Variants in ATP8A2 observed in about 807,000 individuals in gnomAD.
ATP8A2 encodes the protein phospholipid-transporting ATPase IB.
ATP8A2 carries 100 observed loss-of-function variants against 165.6 expected under a neutral mutation model. The observed-to-expected ratio is 0.60, with a 90% CI of 0.51 to 0.71. The LOEUF is 0.71. Ranked by LOEUF, ATP8A2 falls within the 30% of genes least tolerant of loss-of-function variation. The pLI, the probability that ATP8A2 is intolerant of heterozygous loss-of-function variation, is 0.00. For missense variants in ATP8A2, 1,227 were observed against 1,479.5 expected, an observed-to-expected ratio of 0.83 and a Z score of 2.80; for synonymous variants, 543 against 548.8, an observed-to-expected ratio of 0.99 and a Z score of 0.15.
chr13:25,840,766 A>C (rs1951731975), intron 30 of ATP8A2, among the ~76,000 whole-genome samples: 1 of 152,208 alleles, frequency 6.6e-6, no homozygotes, highest in Non-Finnish European at 1.5e-5. Flanking sequence ...AGGCTGTGAT[A>C]TTTTGGTGAC....
chr13:25,867,070 G>A (rs1030122229), intron 33 of ATP8A2, among the ~76,000 whole-genome samples: 17 of 151,500 alleles, frequency 1.1e-4, no homozygotes, highest in Non-Finnish European at 1.8e-4. Flanking sequence ...TGACTTCAAA[G>A]CATACAATCT....
At chr13:25,744,345 G>T (rs906157518) in intron 25 of ATP8A2, among the ~76,000 whole-genome samples, 1 of 150,830 alleles carries the variant, frequency 6.6e-6, no homozygotes, top group Admixed American at 6.6e-5. Context: ...GTGTATGTGC[G>T]CCCTTCTCTG....
chr13:26,021,161 A>ATT lies in ATP8A2; in HGVS notation c.*1177_*1178dup, dbSNP rs1463221767. The ATT allele has an allele frequency of 6.6e-6, 1 of 152,284 alleles. No homozygotes were observed. Among genetic ancestry groups the ATT allele is most frequent in the Admixed American group, 6.5e-5 (1 of 15,286 alleles). The allele number at this position is 152,284 out of a possible 1,614,324, so 9.4% of individuals were successfully genotyped here. A position where few individuals can be genotyped will look rare whatever the true frequency, so the allele number is the denominator to read the frequency against. On this transcript the variant is annotated 3_prime_UTR_variant, in exon 37 of 37. Transcript: ENST00000381655. Reference sequence around the variant, plus strand: ...AAACCCAGATGCAAGAGTATAGGACATTGAGTGGGGAGAACAAGACGACCA... The same window carrying ATT: ...AAACCCAGATGCAAGAGTATAGGACATTTTGAGTGGGGAGAACAAGACGACCA...
intron 27 of ATP8A2, among the ~76,000 whole-genome samples, chr13:25,790,228 A>C (rs755984621): frequency 6.6e-6 from 1 of 152,246 alleles, no homozygotes; most frequent in African/African-American, 2.4e-5. Flanking sequence ...GACAAATGGG[A>C]TCTAACTAAA....
intron 27 of ATP8A2, among the ~76,000 whole-genome samples, chr13:25,789,728 T>A (rs1405335946): frequency 2.0e-5 from 3 of 152,176 alleles, no homozygotes; most frequent in Non-Finnish European, 1.5e-5. Context: ...AAAAAACTTT[T>A]AAAATTCATA....
chr13:25,738,335 C>CT (rs1245247669), intron 25 of ATP8A2, among the ~76,000 whole-genome samples: 106 of 26,242 alleles, frequency 4.0e-3, no homozygotes, highest in East Asian at 0.012. Context: ...CTTTTTGTGC[C>CT]CCCCTCCCCC....
Position 25,953,290 on chromosome 13 carries a change from G to C in ATP8A2, c.3184-8285G>C, listed in dbSNP as rs1955421423. 1.3e-5 allele frequency among the ~76,000 whole-genome samples: 2 copies of C among 152,020 alleles called. No individual in the cohort carries two copies. The highest frequency in any genetic ancestry group is 2.9e-5 in the Non-Finnish European group (2 of 68,012). ...TGAGGACTCAACTCTCTGGCTGCAG[G>C]TGCTGTGGGGAAGGGGCAGACTTAA... On this transcript the variant is annotated intron_variant, in intron 33 of 36. Coordinates refer to ENST00000381655, the MANE Select transcript of ATP8A2 (RefSeq NM_016529.6). The surrounding 1 kb of genome is among the most constrained non-coding windows in gnomAD (Gnocchi z 6.7).
At chr13:25,726,929 C>T (rs1293494062) in intron 25 of ATP8A2, among the ~76,000 whole-genome samples, 1 of 152,076 alleles carries the variant, frequency 6.6e-6, no homozygotes. Context: ...GAAAAGAGAA[C>T]CACCCCAAGG....
At chr13:25,646,261 G>A (rs975522731) in intron 24 of ATP8A2, among the ~76,000 whole-genome samples, 2 of 152,012 alleles carry the variant, frequency 1.3e-5, no homozygotes, top group African/African-American at 2.4e-5. Flanking sequence ...TTCCATTTGA[G>A]TGAAATATCT....
rs150267033 is a variant in ATP8A2 at position 25,987,755 on chromosome 13, G to A, written c.3377+19076G>A. Among the ~76,000 whole-genome samples, 216 of 152,288 alleles carry A rather than the reference G, an allele frequency of 1.4e-3. 1 individual carries two copies. Among genetic ancestry groups the A allele is most frequent in the South Asian group, 6.6e-3 (32 of 4,824 alleles). ...AGCCTTCGCATAACACCAGATAACT[G>A]AATGCTAATTTTCCTTTCCATTTAC... On this transcript the variant is annotated intron_variant, in intron 35 of 36. Coordinates refer to ENST00000381655, the MANE Select transcript of ATP8A2 (RefSeq NM_016529.6).
At chr13:25,793,564 A>G (rs1164814196) in intron 27 of ATP8A2, among the ~76,000 whole-genome samples, 4 of 152,246 alleles carry the variant, frequency 2.6e-5, no homozygotes, top group East Asian at 1.9e-4. Context: ...ATGTAGAAGT[A>G]CATATGTGTG....
chr13:25,622,635 T>C (rs2040999987), intron 24 of ATP8A2, among the ~76,000 whole-genome samples: 1 of 152,060 alleles, frequency 6.6e-6, no homozygotes, highest in African/African-American at 2.4e-5. Flanking sequence ...AAATAGAAAA[T>C]TCCATATCTG....
intron 24 of ATP8A2, among the ~76,000 whole-genome samples, chr13:25,644,701 A>C (rs564391933): frequency 3.1e-4 from 47 of 152,132 alleles, no homozygotes; most frequent in Non-Finnish European, 5.4e-4. Flanking sequence ...CTTTAATAGA[A>C]GACTTCTTAT....
At chr13:25,920,429 G>A (rs1407091957) in intron 33 of ATP8A2, among the ~76,000 whole-genome samples, 1 of 152,088 alleles carries the variant, frequency 6.6e-6, no homozygotes, top group Non-Finnish European at 1.5e-5. Flanking sequence ...CCTAAGCTCG[G>A]CACTTGTGAA....
intron 33 of ATP8A2, among the ~76,000 whole-genome samples, chr13:25,886,459 C>T (rs1025641085): frequency 6.6e-6 from 1 of 152,200 alleles, no homozygotes; most frequent in Admixed American, 6.5e-5. Flanking sequence ...CTGGCAAATG[C>T]TGCCCTCCCT....
At chr13:25,443,085 T>C (rs904935588) in intron 1 of ATP8A2, among the ~76,000 whole-genome samples, 1 of 152,224 alleles carries the variant, frequency 6.6e-6, no homozygotes, top group African/African-American at 2.4e-5. Context: ...TTGTTGACTG[T>C]GCCTTTTGTA....
rs186271124 is a variant in ATP8A2, at chr13:25,396,803, G to A, written c.76+24515G>A. Among the ~76,000 whole-genome samples, 38 of 152,270 alleles carry A rather than the reference G, an allele frequency of 2.5e-4. No homozygotes were observed. The South Asian group carries it at 4.8e-3, about 19-fold the overall frequency. Reference sequence around the variant, plus strand: ...CAGGCTTTTCAGACACATCTATTGCGGGGAGGACTCTAAAAACTTTGCCAA... The same window carrying A: ...CAGGCTTTTCAGACACATCTATTGCAGGGAGGACTCTAAAAACTTTGCCAA... On this transcript the variant is annotated intron_variant, in intron 1 of 36. Transcript: ENST00000381655.
intron 35 of ATP8A2, among the ~76,000 whole-genome samples, chr13:25,997,849 T>C (rs898713507): frequency 6.6e-6 from 1 of 152,232 alleles, no homozygotes; most frequent in Admixed American, 6.5e-5. Context: ...TAATTACTTA[T>C]TGAAACATTT....
intron 33 of ATP8A2, among the ~76,000 whole-genome samples, chr13:25,933,197 T>G (rs973238931): frequency 6.6e-5 from 10 of 152,178 alleles, no homozygotes; most frequent in East Asian, 1.9e-4. Context: ...CTCAGCTGCT[T>G]CTTCTACAGA....
Sources: gnomAD v4.1 joint callset for allele counts (sites outside exome capture counted in the v4.1 genomes callset) on GRCh38, gnomAD v4.1.1 for gene constraint, Gnocchi (gnomAD v3.1) non-coding constraint, MANE v1.5 for transcripts, NCBI Gene and HGNC (gene_info 2026-07-23, HGNC 2026-07-21) for gene names.